RCAN1: variants seen among roughly 807,000 people sequenced by gnomAD.
The protein encoded by RCAN1 is regulator of calcineurin 1, also known as calcipressin-1.
Under a neutral mutation model 22.9 loss-of-function variants are expected in RCAN1, and 11 were observed. The ratio of observed to expected loss-of-function variants is 0.48; its 90% confidence interval spans 0.30 to 0.79. The LOEUF (loss-of-function observed/expected upper bound fraction) is 0.79. Among genes scored for constraint, RCAN1 ranks in the 30% least tolerant of loss-of-function variants. RCAN1 has a pLI of 0.06. For synonymous variants in RCAN1, 136 were observed against 142.3 expected (o/e 0.96, Z 0.32); for missense variants, 291 against 337.8 (o/e 0.86, Z 1.09).
intron 1 of RCAN1, among the ~76,000 whole-genome samples, chr21:34,528,284 A>C (rs1394394069): frequency 1.3e-5 from 2 of 152,242 alleles, no homozygotes; most frequent in African/African-American, 4.8e-5. Flanking sequence ...AAAAAAGGAA[A>C]AGCAAAGTCC....
chr21:34,589,709 A>AC (rs555897266), intron 1 of RCAN1, among the ~76,000 whole-genome samples: 7 of 151,600 alleles, frequency 4.6e-5, no homozygotes, highest in African/African-American at 1.5e-4. Context: ...GGAGAACAAA[A>AC]GGGGGGAGTC....
intron 2 of RCAN1, chr21:34,522,509 C>T (rs889627022): frequency 6.6e-6 from 1 of 152,284 alleles, no homozygotes; most frequent in Non-Finnish European, 1.5e-5. Flanking sequence ...CAAAGCTCAG[C>T]CTGTGCCTCC....
At chr21:34,563,196 C>G (rs1162506177) in intron 1 of RCAN1, among the ~76,000 whole-genome samples, 2 of 152,138 alleles carry the variant, frequency 1.3e-5, no homozygotes, top group Non-Finnish European at 2.9e-5. Flanking sequence ...TGAGAATACA[C>G]AGTAAAATCT....
At chr21:34,556,077 T>A (rs1292481126) in intron 1 of RCAN1, among the ~76,000 whole-genome samples, 36 of 56,620 alleles carry the variant, frequency 6.4e-4, no homozygotes, top group African/African-American at 2.1e-3. Flanking sequence ...AATAAATAAA[T>A]AAATAAATAA....
intron 1 of RCAN1, among the ~76,000 whole-genome samples, chr21:34,545,479 G>A (rs748004532): frequency 3.9e-5 from 6 of 152,192 alleles, no homozygotes; most frequent in Non-Finnish European, 5.9e-5. Context: ...ATGCTGCAAT[G>A]TGGGGCATGG....
At chr21:34,541,867 GA>G (rs1181856642) in intron 1 of RCAN1, among the ~76,000 whole-genome samples, 1 of 152,190 alleles carries the variant, frequency 6.6e-6, no homozygotes, top group Non-Finnish European at 1.5e-5. Context: ...CCAGGAAGTG[GA>G]GCTTGCAGTG....
chr21:34,609,703 T>C (rs78999198), intron 1 of RCAN1, among the ~76,000 whole-genome samples: 8,898 of 152,194 alleles, frequency 0.058, 340 homozygotes, highest in East Asian at 0.16. Context: ...AAGCTACTGC[T>C]ATGGAAGAAA....
At chr21:34,562,397 T>C (rs925097380) in intron 1 of RCAN1, among the ~76,000 whole-genome samples, 5 of 152,174 alleles carry the variant, frequency 3.3e-5, no homozygotes, top group Admixed American at 6.5e-5. Context: ...CGTATTTCCA[T>C]GGTGGCATAT....
rs1242795079 is a variant in RCAN1, at chr21:34,516,487, T to C, written c.*1597A>G. On this transcript the variant is annotated 3_prime_UTR_variant, in exon 4 of 4. Coordinates refer to ENST00000313806, the MANE Select transcript of RCAN1 (RefSeq NM_004414.7). ...ATTCTAGAAATAAAATGACAACTTT[T>C]CTGTAAGGAGCATACTGTGCCCATT... is the stretch of plus-strand genomic sequence containing the variant. 6.6e-6 allele frequency: 1 copy of C among 152,228 alleles called. No individual in the cohort carries two copies. The highest frequency in any genetic ancestry group is 2.4e-5 in the African/African-American group (1 of 41,460). 9.4% of individuals were successfully genotyped at this position (152,228 alleles called of 1,614,324 possible). A position where few individuals can be genotyped will look rare whatever the true frequency, so the allele number is the denominator to read the frequency against.
intron 1 of RCAN1, among the ~76,000 whole-genome samples, chr21:34,585,148 T>C (rs950550841): frequency 7.9e-5 from 12 of 152,352 alleles, no homozygotes; most frequent in East Asian, 3.9e-4. Context: ...TCTTTTAATG[T>C]ATTTAAGGTA....
chr21:34,548,973 T>C (rs557489125), intron 1 of RCAN1, among the ~76,000 whole-genome samples: 3 of 152,234 alleles, frequency 2.0e-5, no homozygotes, highest in Admixed American at 6.5e-5. Flanking sequence ...TTTTGCCAAA[T>C]TGCACGGTCA....
intron 1 of RCAN1, among the ~76,000 whole-genome samples, chr21:34,611,351 A>T (rs1988683017): frequency 6.6e-6 from 1 of 152,250 alleles, no homozygotes; most frequent in South Asian, 2.1e-4. Flanking sequence ...AACAGTGTGA[A>T]TCTAATACAT....
At chr21:34,557,774 G>A (rs190403463) in intron 1 of RCAN1, among the ~76,000 whole-genome samples, 11 of 152,266 alleles carry the variant, frequency 7.2e-5, no homozygotes, top group East Asian at 1.9e-4. Flanking sequence ...TGAAGATGGC[G>A]ATGATGAAGA....
intron 1 of RCAN1, among the ~76,000 whole-genome samples, chr21:34,594,799 G>A (rs920937590): frequency 6.6e-5 from 10 of 152,144 alleles, no homozygotes; most frequent in African/African-American, 2.2e-4. Context: ...ATACAAACTC[G>A]CCAGGCCTCC....
intron 1 of RCAN1, among the ~76,000 whole-genome samples, chr21:34,545,792 C>T (rs1344067795): frequency 5.3e-5 from 8 of 152,226 alleles, no homozygotes; most frequent in African/African-American, 1.9e-4. Context: ...TTTCAAATGC[C>T]ACTGGGAGGA....
intron 1 of RCAN1, among the ~76,000 whole-genome samples, chr21:34,605,775 C>T (rs1336324039): frequency 6.6e-6 from 1 of 151,948 alleles, no homozygotes; most frequent in Non-Finnish European, 1.5e-5. Context: ...CAAAAATTAG[C>T]CGGGCGTGGT....
intron 1 of RCAN1, among the ~76,000 whole-genome samples, chr21:34,532,979 G>A (rs1242819653): frequency 2.4e-5 from 2 of 85,106 alleles, no homozygotes; most frequent in Non-Finnish European, 5.3e-5. Flanking sequence ...TTTTTTTTTT[G>A]AGACGGAGTC....
chr21:34,582,181 T>C (rs910085450), intron 1 of RCAN1, among the ~76,000 whole-genome samples: 2 of 152,152 alleles, frequency 1.3e-5, no homozygotes, highest in African/African-American at 2.4e-5. Flanking sequence ...ATTTAATACA[T>C]ATTCATGAAG....
At chr21:34,594,892 G>T (rs1776672557) in intron 1 of RCAN1, among the ~76,000 whole-genome samples, 1 of 152,194 alleles carries the variant, frequency 6.6e-6, no homozygotes, top group South Asian at 2.1e-4. Context: ...GGACCAGGGT[G>T]GACAGGCAGC....
Sources: gnomAD v4.1 joint callset for allele counts (sites outside exome capture counted in the v4.1 genomes callset) on GRCh38, gnomAD v4.1.1 for gene constraint, MANE v1.5 for transcripts, NCBI Gene and HGNC (gene_info 2026-07-23, HGNC 2026-07-21) for gene names.